The following SCHIP1 variants were observed in gnomAD, a reference collection of about 807,000 sequenced individuals.
The protein encoded by SCHIP1 is schwannomin interacting protein 1.
In SCHIP1, 8 loss-of-function variants were observed where a neutral mutation model predicts 29.7. That is an observed-to-expected ratio of 0.27 (90% confidence interval 0.16 to 0.49). The LOEUF (loss-of-function observed/expected upper bound fraction) is 0.49. Among genes scored for constraint, SCHIP1 ranks in the 20% least tolerant of loss-of-function variants. The pLI is 0.99. For missense variants in SCHIP1, 193 were observed against 294.6 expected (o/e 0.66, Z 2.52); for synonymous variants, 76 against 94.9 (o/e 0.80, Z 1.16).
At chr3:159,529,623 ATCTTC>A in the SCHIP1 span, among the ~76,000 whole-genome samples, 1 of 152,176 alleles carries the variant, frequency 6.6e-6, no homozygotes, top group Non-Finnish European at 1.5e-5. Context: ...AACATTCCAC[ATCTTC>A]TCTTCTAGCT....
chr3:159,714,679 C>T, the SCHIP1 span, among the ~76,000 whole-genome samples: 782 of 152,312 alleles, frequency 5.1e-3, 10 homozygotes, highest in Admixed American at 0.022. Flanking sequence ...AACTGCAAGG[C>T]GGCAGCAAGG....
At chr3:159,887,653 G>A in intron 3 of SCHIP1, 55 bp from the exon 5 acceptor site, 1 of 1,601,600 alleles carries the variant, frequency 6.2e-7, no homozygotes, top group South Asian at 1.1e-5. Flanking sequence ...CCATCTCTAA[G>A]TGGATGCTAG....
the SCHIP1 span, among the ~76,000 whole-genome samples, chr3:159,461,574 C>CT: frequency 0.029 from 4,321 of 148,450 alleles, 97 homozygotes; most frequent in Non-Finnish European, 0.045. Flanking sequence ...ATACCAGACT[C>CT]TTTTTTTTTT....
chr3:159,509,338 C>G, the SCHIP1 span, among the ~76,000 whole-genome samples: 1 of 152,120 alleles, frequency 6.6e-6, no homozygotes, highest in Non-Finnish European at 1.5e-5. Flanking sequence ...TTCCTCCATC[C>G]TTTATTTTGA....
At chr3:159,871,376 G>A (rs981879882) in intron 2 of SCHIP1, among the ~76,000 whole-genome samples, 7 of 120,430 alleles carry the variant, frequency 5.8e-5, no homozygotes, top group African/African-American at 1.2e-4. Context: ...GGTGGGGGGG[G>A]GCTTATTATA....
At chr3:159,809,265 G>T in the SCHIP1 span, among the ~76,000 whole-genome samples, 3 of 151,660 alleles carry the variant, frequency 2.0e-5, no homozygotes, top group African/African-American at 7.3e-5. Flanking sequence ...GTGATAGTTT[G>T]CTTAGAATGA....
chr3:159,812,428 A>G, the SCHIP1 span, among the ~76,000 whole-genome samples: 1 of 152,358 alleles, frequency 6.6e-6, no homozygotes, highest in East Asian at 1.9e-4. Flanking sequence ...GGTGTACTTA[A>G]TATACATAAA....
At chr3:159,460,937 A>G in the SCHIP1 span, among the ~76,000 whole-genome samples, 3 of 152,278 alleles carry the variant, frequency 2.0e-5, no homozygotes, top group Admixed American at 2.0e-4. Context: ...ATGTTATTCT[A>G]TGGAGGGTAG....
the SCHIP1 span, among the ~76,000 whole-genome samples, chr3:159,794,397 T>C: frequency 6.6e-6 from 1 of 152,180 alleles, no homozygotes; most frequent in East Asian, 1.9e-4. Context: ...TGCATAACAG[T>C]TGGGTCTCAT....
At chr3:159,293,665 A>G in the SCHIP1 span, among the ~76,000 whole-genome samples, 2,709 of 152,294 alleles carry the variant, frequency 0.018, 79 homozygotes, top group African/African-American at 0.063. Context: ...CAAATAGGAG[A>G]CATAAGTCTT....
intron 4 of SCHIP1, 66 bp downstream of exon 5, chr3:159,887,971 T>G: frequency 1.3e-6 from 2 of 1,578,322 alleles, no homozygotes; most frequent in Non-Finnish European, 1.7e-6. Flanking sequence ...ACTGTCCCAG[T>G]CCTTTCCCAG....
chr3:159,501,902 T>A, the SCHIP1 span, among the ~76,000 whole-genome samples: 1 of 152,336 alleles, frequency 6.6e-6, no homozygotes, highest in East Asian at 1.9e-4. Flanking sequence ...GGAAACTGAA[T>A]GAGAATCTGA....
the SCHIP1 span, among the ~76,000 whole-genome samples, chr3:159,641,993 G>A: frequency 6.6e-6 from 1 of 152,100 alleles, no homozygotes; most frequent in Non-Finnish European, 1.5e-5. Flanking sequence ...GTGCAGCTGA[G>A]GGAAAATGTG....
the SCHIP1 span, among the ~76,000 whole-genome samples, chr3:159,649,718 T>G: frequency 3.3e-5 from 5 of 152,186 alleles, no homozygotes; most frequent in African/African-American, 9.6e-5. Context: ...TATGGAAGAT[T>G]GATGGAGAGA....
chr3:159,822,862 A>G, the SCHIP1 span, among the ~76,000 whole-genome samples: 3 of 151,830 alleles, frequency 2.0e-5, no homozygotes, highest in African/African-American at 7.3e-5. Context: ...AATTGTTTGC[A>G]AGCAAGAGAG....
the SCHIP1 span, among the ~76,000 whole-genome samples, chr3:159,720,571 T>C: frequency 6.6e-6 from 1 of 152,052 alleles, no homozygotes; most frequent in East Asian, 1.9e-4. Flanking sequence ...TATTTTGCTC[T>C]TGTTTTCTTT....
the SCHIP1 span, among the ~76,000 whole-genome samples, chr3:159,651,468 A>G: frequency 1.3e-5 from 2 of 152,212 alleles, no homozygotes; most frequent in Non-Finnish European, 2.9e-5. Context: ...GACTGTGTCT[A>G]TCCTTCTCCC....
the SCHIP1 span, among the ~76,000 whole-genome samples, chr3:159,666,368 C>A: frequency 6.6e-6 from 1 of 152,204 alleles, no homozygotes; most frequent in Admixed American, 6.5e-5. Context: ...GAATAGAAGA[C>A]CCTGCTATAC....
the SCHIP1 span, among the ~76,000 whole-genome samples, chr3:159,573,529 G>A: frequency 6.8e-4 from 104 of 152,190 alleles, 1 homozygote; most frequent in South Asian, 8.1e-3. Context: ...TTCCTCTCTG[G>A]CTGCCCTTAA....
Sources: gnomAD v4.1 joint callset for allele counts (sites outside exome capture counted in the v4.1 genomes callset) on GRCh38, gnomAD v4.1.1 for gene constraint, MANE v1.5 for transcripts, NCBI Gene and HGNC (gene_info 2026-07-23, HGNC 2026-07-21) for gene names.